DNAH9: variants seen among roughly 807,000 people sequenced by gnomAD.
The protein encoded by DNAH9 is DNAH9 variant protein.
A neutral mutation model predicts 471.6 loss-of-function variants in DNAH9; 345 were observed. The observed-to-expected ratio is 0.73, with a 90% CI of 0.67 to 0.80. The LOEUF is 0.80. Ranked by LOEUF, DNAH9 falls within the 30% of genes least tolerant of loss-of-function variation. The pLI is 0.00. For synonymous variants in DNAH9, 2,093 were observed against 2,123.6 expected, an observed-to-expected ratio of 0.99 and a Z score of 0.40; for missense variants, 5,407 against 5,609.2, an observed-to-expected ratio of 0.96 and a Z score of 1.15.
chr17:11,701,191 G>T lies in DNAH9; in HGVS notation c.5095G>T (p.Val1699Leu). Residue 1699 changes from valine to leucine, a missense_variant, in exon 24 of 69, where the codon GTA (valine) becomes TTA (leucine). Val to Leu is a conservative substitution (Grantham distance 32). This residue lies in a region of DNAH9 where 4,636 missense variants were observed against 4,900.3 expected (regional missense o/e 0.95). Coordinates refer to ENST00000262442, the MANE Select transcript of DNAH9 (RefSeq NM_001372.4). ...ATVRHEMTEG[V>L]TAYEEKPREQ... ...TGTGAGGCATGAGATGACAGAAGGT[G>T]TAACTGCCTATGAAGAAAAGCCGAG... The T allele has an allele frequency of 1.2e-6, 2 of 1,614,122 alleles. No homozygotes were observed. Among genetic ancestry groups the T allele is most frequent in the Non-Finnish European group, 1.7e-6 (2 of 1,179,994 alleles).
chr17:11,811,585 C>T (rs1312960692), intron 45 of DNAH9, among the ~76,000 whole-genome samples: 2 of 152,136 alleles, frequency 1.3e-5, no homozygotes, highest in African/African-American at 4.8e-5. Flanking sequence ...GACTCTTCCT[C>T]CTTTCAGTCT....
chr17:11,614,403 G>T (rs1001054531), intron 4 of DNAH9, among the ~76,000 whole-genome samples: 2 of 152,148 alleles, frequency 1.3e-5, no homozygotes, highest in African/African-American at 4.8e-5. Flanking sequence ...GCAGGAACCC[G>T]ATTGTATGAA....
intron 67 of DNAH9, among the ~76,000 whole-genome samples, chr17:11,951,238 A>G (rs1415308490): frequency 2.0e-5 from 3 of 152,212 alleles, no homozygotes; most frequent in Non-Finnish European, 2.9e-5. Context: ...TGAATGCAGT[A>G]TGGCCTGTTT....
rs891195157 is a variant in DNAH9, at chr17:11,932,857, C to T, written c.12297+652C>T. Reference sequence around the variant, plus strand: ...GATCAGCAGGAAGAGACTTCACACTCGCCTGATATAAGTTCCCAAACTTCG... The same window carrying T: ...GATCAGCAGGAAGAGACTTCACACTTGCCTGATATAAGTTCCCAAACTTCG... On this transcript the variant is annotated intron_variant, in intron 64 of 68. Transcript: ENST00000262442. This position sits in a 1 kb window ranked among gnomAD's most constrained non-coding sequence, Gnocchi z 4.3. Among the ~76,000 whole-genome samples the T allele has an allele frequency of 1.3e-5, 2 of 152,282 alleles. No homozygotes were observed. Among genetic ancestry groups the T allele is most frequent in the South Asian group, 2.1e-4 (1 of 4,830 alleles).
intron 1 of DNAH9, among the ~76,000 whole-genome samples, chr17:11,606,726 G>T (rs1448722661): frequency 6.6e-6 from 1 of 151,946 alleles, no homozygotes; most frequent in Non-Finnish European, 1.5e-5. Context: ...TCTAAGTTGC[G>T]ATTAATAGAA....
intron 10 of DNAH9, among the ~76,000 whole-genome samples, chr17:11,642,604 T>C (rs570161205): frequency 6.6e-6 from 1 of 152,270 alleles, no homozygotes; most frequent in South Asian, 2.1e-4. Flanking sequence ...TTATTGAAAA[T>C]GTTTTAGATT....
At chr17:11,694,038 A>C in intron 21 of DNAH9, 40 bp downstream of exon 21, 1 of 1,600,626 alleles carries the variant, frequency 6.2e-7, no homozygotes. Flanking sequence ...ATAAGAAGGC[A>C]TCATTTCCTT....
intron 68 of DNAH9, among the ~76,000 whole-genome samples, chr17:11,963,975 A>G (rs1976472811): frequency 6.6e-6 from 1 of 152,172 alleles, no homozygotes; most frequent in Admixed American, 6.5e-5. Flanking sequence ...AAGGTATGGG[A>G]TGGTTTCTGC....
At chr17:11,642,545 T>A (rs2073296384) in intron 10 of DNAH9, among the ~76,000 whole-genome samples, 1 of 151,930 alleles carries the variant, frequency 6.6e-6, no homozygotes, top group Non-Finnish European at 1.5e-5. Flanking sequence ...AGAGCGAAAC[T>A]CCATCTCAAA....
intron 50 of DNAH9, among the ~76,000 whole-genome samples, chr17:11,860,715 C>G (rs895039378): frequency 7.9e-5 from 12 of 152,248 alleles, no homozygotes; most frequent in South Asian, 2.1e-4. Context: ...GCATGTGCCA[C>G]CATGCCCGGC....
At position 11,942,451 on chromosome 17, in the gene DNAH9, A is replaced by G. The variant is rs1439962713; in HGVS notation, c.12809A>G (p.Gln4270Arg). ...GRMNILTREI[Q>R]RSLRELELGL... ...ATGAATATCCTCACCAGAGAGATTCAGCGCTCACTGAGGGAGCTGGAGCTC... is the reference window on the plus strand; with the variant it reads ...ATGAATATCCTCACCAGAGAGATTCGGCGCTCACTGAGGGAGCTGGAGCTC... The change falls in exon 67 of 69, where the codon CAG becomes CGG. Residue 4270 changes from glutamine to arginine, a missense_variant. Gln to Arg is a conservative substitution (Grantham distance 43). Transcript: ENST00000262442. The G allele has an allele frequency of 3.1e-6, 5 of 1,614,174 alleles. No homozygotes were observed. Among genetic ancestry groups the G allele is most frequent in the Non-Finnish European group, 4.2e-6 (5 of 1,180,022 alleles).
At position 11,626,960 on chromosome 17, in the gene DNAH9, G is replaced by A. The variant is rs1229526822; in HGVS notation, c.1351-2457G>A. Reference sequence around the variant, plus strand: ...ACTGGAAATACCGAGATACCTTTGGGGCATTTACAACTTACTGGACAGAAA... The same window carrying A: ...ACTGGAAATACCGAGATACCTTTGGAGCATTTACAACTTACTGGACAGAAA... On this transcript the variant is annotated intron_variant, in intron 6 of 68. Coordinates refer to ENST00000262442, the MANE Select transcript of DNAH9 (RefSeq NM_001372.4). The surrounding 1 kb of genome is among the most constrained non-coding windows in gnomAD (Gnocchi z 4.3). Among the ~76,000 whole-genome samples, 2 of 152,004 alleles carry A rather than the reference G, an allele frequency of 1.3e-5. No homozygotes were observed. Among genetic ancestry groups the A allele is most frequent in the East Asian group, 1.9e-4 (1 of 5,174 alleles).
At chr17:11,900,542 C>G (rs1973375737) in intron 59 of DNAH9, among the ~76,000 whole-genome samples, 1 of 150,160 alleles carries the variant, frequency 6.7e-6, no homozygotes, top group African/African-American at 2.4e-5. Context: ...CACTCTACCT[C>G]CATCTCTGCC....
At chr17:11,925,696 G>T (rs149972523) in intron 62 of DNAH9, among the ~76,000 whole-genome samples, 134 of 152,238 alleles carry the variant, frequency 8.8e-4, no homozygotes, top group African/African-American at 3.1e-3. Flanking sequence ...GCCATGCAGG[G>T]CATCAAAATC....
intron 67 of DNAH9, among the ~76,000 whole-genome samples, chr17:11,961,262 CAG>C (rs1279920712): frequency 6.6e-6 from 1 of 152,140 alleles, no homozygotes; most frequent in Non-Finnish European, 1.5e-5. Context: ...TTGCAGTGAG[CAG>C]AGATTGCACC....
Position 11,664,873 on chromosome 17 carries a change from T to G in DNAH9, c.2636T>G (p.Ile879Ser), listed in dbSNP as rs1440067630. The change falls in exon 15 of 69, where the codon ATC (isoleucine) becomes AGC (serine). Residue 879 changes from isoleucine (I) to serine (S), a missense_variant. Physicochemically the swap from Ile to Ser is moderately radical, Grantham distance 142. Transcript: ENST00000262442. Reference protein sequence around the residue: ...GLFSADPTSNIWKTYVNSIDN... With the variant: ...GLFSADPTSNSWKTYVNSIDN... ...TTTTCAGCAGACCCAACCTCCAATA[T>G]CTGGAAGACTTATGTTAACTCTATT... 1.2e-6 allele frequency: 2 copies of G among 1,612,942 alleles called. No homozygotes were observed. Among genetic ancestry groups the G allele is most frequent in the Admixed American group, 3.3e-5 (2 of 60,002 alleles).
chr17:11,774,579 T>A (rs1968346114), intron 38 of DNAH9, among the ~76,000 whole-genome samples: 1 of 152,104 alleles, frequency 6.6e-6, no homozygotes, highest in African/African-American at 2.4e-5. Context: ...TTATTCACTA[T>A]CATGAGACCA....
At chr17:11,637,468 C>A (rs116922602) in intron 9 of DNAH9, among the ~76,000 whole-genome samples, 4,109 of 152,158 alleles carry the variant, frequency 0.027, 177 homozygotes, top group Admixed American at 0.13. Flanking sequence ...AGCGATGGTG[C>A]GAACCCCTAG....
chr17:11,922,304 T>C (rs543939105), intron 61 of DNAH9, among the ~76,000 whole-genome samples: 1 of 152,238 alleles, frequency 6.6e-6, no homozygotes, highest in Non-Finnish European at 1.5e-5. Flanking sequence ...TAAATTTTTT[T>C]TAAGTATGGA....
Sources: allele counts gnomAD v4.1 joint callset (sites outside exome capture counted in the v4.1 genomes callset), GRCh38; gene constraint gnomAD v4.1.1; regional missense constraint gnomAD v4.1.1; non-coding constraint Gnocchi (gnomAD v3.1); transcripts MANE v1.5; gene names NCBI Gene and HGNC (gene_info 2026-07-23, HGNC 2026-07-21).